SLC39A8: variants seen among roughly 807,000 people sequenced by gnomAD.
SLC39A8 encodes the protein solute carrier family 39 member 8.
A neutral mutation model predicts 40.4 loss-of-function variants in SLC39A8; 15 were observed. The ratio of observed to expected loss-of-function variants is 0.37; its 90% CI spans 0.25 to 0.57. SLC39A8 has a LOEUF of 0.57. Among genes scored for constraint, SLC39A8 ranks in the 20% least tolerant of loss-of-function variants. The pLI is 0.75. For missense variants in SLC39A8, 472 were observed against 558.8 expected, an observed-to-expected ratio of 0.84 and a Z score of 1.57; for synonymous variants, 223 against 221.6, an observed-to-expected ratio of 1.01 and a Z score of -0.06.
chr4:102,333,023 C>T (rs567766825), intron 2 of SLC39A8, among the ~76,000 whole-genome samples: 4 of 151,866 alleles, frequency 2.6e-5, no homozygotes, highest in Admixed American at 2.0e-4. Context: ...TCAGGGGCTG[C>T]GGGGCTAGGG....
chr4:102,292,030 C>T (rs1450472537), intron 6 of SLC39A8, among the ~76,000 whole-genome samples: 1 of 151,908 alleles, frequency 6.6e-6, no homozygotes, highest in East Asian at 1.9e-4. Context: ...ATGTTTGATA[C>T]CAGAGGCCTG....
intron 2 of SLC39A8, among the ~76,000 whole-genome samples, chr4:102,333,792 T>C (rs1393800061): frequency 6.6e-6 from 1 of 152,106 alleles, no homozygotes; most frequent in Non-Finnish European, 1.5e-5. Context: ...TCCTTGAAGA[T>C]ATACAGAAAG....
chr4:102,270,830 A>G (rs571995000), intron 6 of SLC39A8, among the ~76,000 whole-genome samples: 37 of 152,346 alleles, frequency 2.4e-4, no homozygotes, highest in African/African-American at 7.9e-4. Flanking sequence ...AAGTTAAAAA[A>G]ATAGAGGGAG....
chr4:102,321,726 G>A (rs1311025181), intron 2 of SLC39A8, among the ~76,000 whole-genome samples: 2 of 152,184 alleles, frequency 1.3e-5, no homozygotes, highest in Non-Finnish European at 2.9e-5. Flanking sequence ...GACATTTCAA[G>A]TTGCAATGCT....
chr4:102,311,005 A>C (rs1734402611), intron 3 of SLC39A8, among the ~76,000 whole-genome samples: 1 of 152,132 alleles, frequency 6.6e-6, no homozygotes, highest in Admixed American at 6.6e-5. Context: ...TAGTGAGGAA[A>C]TATGGTTCTA....
intron 3 of SLC39A8, among the ~76,000 whole-genome samples, chr4:102,309,953 A>G (rs1019751601): frequency 3.9e-5 from 6 of 152,000 alleles, no homozygotes; most frequent in African/African-American, 9.7e-5. Flanking sequence ...CTCATCTTAT[A>G]TAACATGACA....
At chr4:102,292,135 C>T (rs1733473695) in intron 6 of SLC39A8, among the ~76,000 whole-genome samples, 1 of 151,802 alleles carries the variant, frequency 6.6e-6, no homozygotes, top group Non-Finnish European at 1.5e-5. Flanking sequence ...AGCATAGTGA[C>T]CATAGTTAAT....
chr4:102,305,128 G>A lies in SLC39A8; in HGVS notation c.553-17C>T, dbSNP rs1379260647. 1.3e-6 allele frequency: 2 copies of A among 1,597,340 alleles called. No individual in the cohort carries two copies. Among genetic ancestry groups the A allele is most frequent in the African/African-American group, 1.4e-5 (1 of 73,752 alleles). On this transcript the variant is annotated splice_polypyrimidine_tract_variant and intron_variant, in intron 4 of 8. Transcript: ENST00000356736. ...TCCAAATGCCTAAGGGAGAAAAAAGGGCAATTCAAGTAAAACCAAGAAATT... is the reference window on the plus strand; with the variant it reads ...TCCAAATGCCTAAGGGAGAAAAAAGAGCAATTCAAGTAAAACCAAGAAATT...
rs141962534 is a variant in SLC39A8 at position 102,315,690 on chromosome 4, T to G, written c.360A>C (p.Lys120Asn). The G allele has an allele frequency of 3.1e-6, 5 of 1,611,460 alleles. No homozygotes were observed. Among genetic ancestry groups the G allele is most frequent in the Non-Finnish European group, 4.2e-6 (5 of 1,178,764 alleles). Residue 120 changes from lysine (K) to asparagine (N), a missense_variant, in exon 3 of 9, where the codon AAA (lysine) becomes AAC (asparagine). By Grantham distance (94) the Lys-to-Asn change is moderately conservative. Transcript: ENST00000356736. Reference sequence around the variant, plus strand: ...TACCTTCTGAATGACTTGGTCTTGTTTTGTGCTTGGGCCGATCCTCACATG... The same window carrying G: ...TACCTTCTGAATGACTTGGTCTTGTGTTGTGCTTGGGCCGATCCTCACATG... ...FHPCEDRPKHKTRPSHSEVWG... is the reference protein window; with the variant it reads ...FHPCEDRPKHNTRPSHSEVWG...
At chr4:102,296,275 G>C (rs1355500336) in intron 6 of SLC39A8, among the ~76,000 whole-genome samples, 1 of 152,034 alleles carries the variant, frequency 6.6e-6, no homozygotes, top group Non-Finnish European at 1.5e-5. Context: ...CCCTAACCTA[G>C]AAGGAACATA....
At chr4:102,299,610 T>C (rs575924999) in intron 6 of SLC39A8, among the ~76,000 whole-genome samples, 2 of 152,182 alleles carry the variant, frequency 1.3e-5, no homozygotes, top group South Asian at 2.1e-4. Context: ...TCACTTCATA[T>C]CAGTCATCAA....
intron 2 of SLC39A8, among the ~76,000 whole-genome samples, chr4:102,335,143 A>T (rs746666128): frequency 1.4e-4 from 21 of 152,120 alleles, no homozygotes; most frequent in Non-Finnish European, 2.2e-4. Flanking sequence ...CGTTCTGGGG[A>T]ACTCTGCTCC....
chr4:102,254,269 G>A (rs1440957314), intron 11 of SLC39A8, among the ~76,000 whole-genome samples: 1 of 152,116 alleles, frequency 6.6e-6, no homozygotes, highest in Non-Finnish European at 1.5e-5. Context: ...TTTTCCACAT[G>A]CCATGATACC....
chr4:102,271,535 A>G (rs1732363329), intron 6 of SLC39A8, among the ~76,000 whole-genome samples: 1 of 152,156 alleles, frequency 6.6e-6, no homozygotes, highest in African/African-American at 2.4e-5. Context: ...AGAAGTCCCA[A>G]ACTTCAAAAG....
At chr4:102,319,987 G>T (rs1266284185) in intron 2 of SLC39A8, among the ~76,000 whole-genome samples, 1 of 150,916 alleles carries the variant, frequency 6.6e-6, no homozygotes, top group Non-Finnish European at 1.5e-5. Flanking sequence ...TTTGATTTCA[G>T]TTTCTTCAAC....
At chr4:102,269,987 G>A (rs941575119) in intron 6 of SLC39A8, among the ~76,000 whole-genome samples, 4 of 152,172 alleles carry the variant, frequency 2.6e-5, no homozygotes, top group African/African-American at 4.8e-5. Flanking sequence ...GCCCCAGAGC[G>A]GGAAGCAATT....
chr4:102,265,536 A>C (rs780824329), intron 8 of SLC39A8, among the ~76,000 whole-genome samples: 1 of 152,246 alleles, frequency 6.6e-6, no homozygotes, highest in African/African-American at 2.4e-5. Context: ...CTATTCAAAA[A>C]ATGGCACTGA....
chr4:102,263,481 A>G (rs981316989), intron 8 of SLC39A8, among the ~76,000 whole-genome samples: 1 of 152,198 alleles, frequency 6.6e-6, no homozygotes, highest in Non-Finnish European at 1.5e-5. Flanking sequence ...AATGCTACCA[A>G]TCATTCGAGC....
At chr4:102,327,858 T>C (rs1465392126) in intron 2 of SLC39A8, among the ~76,000 whole-genome samples, 1 of 152,232 alleles carries the variant, frequency 6.6e-6, no homozygotes. Context: ...CTGGGAATCA[T>C]CTACCAAGAC....
Sources: gnomAD v4.1 joint callset for allele counts (sites outside exome capture counted in the v4.1 genomes callset) on GRCh38, gnomAD v4.1.1 for gene constraint, MANE v1.5 for transcripts, NCBI Gene and HGNC (gene_info 2026-07-23, HGNC 2026-07-21) for gene names.